TUT4: variants seen among roughly 807,000 people sequenced by gnomAD.
TUT4 encodes terminal uridylyltransferase 4.
Under a neutral mutation model 192.2 loss-of-function variants are expected in TUT4, and 36 were observed. The ratio of observed to expected loss-of-function variants is 0.19; its 90% CI spans 0.14 to 0.25. The LOEUF (loss-of-function observed/expected upper bound fraction) is 0.25, where lower values mean the gene tolerates loss of function less well. TUT4 is among the 10% of genes least tolerant of loss of function. The pLI is 1.00. For missense variants in TUT4, 1,493 were observed against 1,957.2 expected, an observed-to-expected ratio of 0.76 and a Z score of 4.47; for synonymous variants, 618 against 666.0, an observed-to-expected ratio of 0.93 and a Z score of 1.11.
At chr1:52,539,511 G>A (rs1008277112) in intron 1 of TUT4, among the ~76,000 whole-genome samples, 7 of 152,166 alleles carry the variant, frequency 4.6e-5, no homozygotes, top group Non-Finnish European at 8.8e-5. Flanking sequence ...ACAGGTATGG[G>A]GGGGAAAGCA....
chr1:52,486,462 G>C (rs1369952379), intron 9 of TUT4, among the ~76,000 whole-genome samples: 1 of 152,006 alleles, frequency 6.6e-6, no homozygotes, highest in African/African-American at 2.4e-5. Flanking sequence ...AGTTATAAGA[G>C]TAAATTATAT....
chr1:52,516,777 G>A (rs1398997921), intron 2 of TUT4, among the ~76,000 whole-genome samples: 4 of 152,062 alleles, frequency 2.6e-5, no homozygotes, highest in East Asian at 1.9e-4. Flanking sequence ...AGCATATTAC[G>A]CACAGTCCCT....
chr1:52,483,583 G>C (rs1669040937), intron 9 of TUT4, among the ~76,000 whole-genome samples: 1 of 152,132 alleles, frequency 6.6e-6, no homozygotes, highest in African/African-American at 2.4e-5. Context: ...GGCAGAGTGG[G>C]TGGATGACTT....
At chr1:52,552,133 G>A (rs943907143) in intron 1 of TUT4, among the ~76,000 whole-genome samples, 9 of 152,228 alleles carry the variant, frequency 5.9e-5, no homozygotes, top group Non-Finnish European at 1.2e-4. Context: ...AAGAAAATGT[G>A]TAATCAACGT....
At chr1:52,471,034 T>A (rs2934072) in intron 14 of TUT4, among the ~76,000 whole-genome samples, 12 of 146,436 alleles carry the variant, frequency 8.2e-5, no homozygotes, top group Non-Finnish European at 1.5e-4. Context: ...TTTTTTTTTT[T>A]AAGACGGAGT....
intron 12 of TUT4, 62 bp from the exon 13 acceptor site, chr1:52,475,597 A>C: frequency 5.0e-6 from 7 of 1,399,192 alleles, no homozygotes; most frequent in South Asian, 1.4e-5. Flanking sequence ...TTCCAAGCTC[A>C]TACAAGTAGA....
chr1:52,550,193 T>G (rs1261447212), intron 1 of TUT4, among the ~76,000 whole-genome samples: 2 of 152,200 alleles, frequency 1.3e-5, no homozygotes, highest in Admixed American at 6.5e-5. Flanking sequence ...TTATTTAGGA[T>G]TCTAGAATTA....
intron 20 of TUT4, among the ~76,000 whole-genome samples, chr1:52,456,278 C>T (rs1284291120): frequency 6.6e-6 from 1 of 151,768 alleles, no homozygotes; most frequent in African/African-American, 2.4e-5. Flanking sequence ...TGGTGCACAC[C>T]TGTAATCCCA....
intron 2 of TUT4, 35 bp downstream of exon 2, chr1:52,525,528 T>C (rs1557952836): frequency 1.9e-6 from 3 of 1,579,744 alleles, no homozygotes; most frequent in Middle Eastern, 3.4e-4. Context: ...CTAAAGAACA[T>C]TAATATACAA....
rs189166356 is a variant in TUT4, at chr1:52,494,458, G to A, written c.1267-796C>T. 3.0e-3 allele frequency among the ~76,000 whole-genome samples: 450 copies of A among 152,262 alleles called. 2 individuals are homozygous for A. The highest frequency in any genetic ancestry group is 2.6e-3 in the Non-Finnish European group (180 of 68,010). ...TGTAATCCCAGCACATTGGGAGGCCGAGGCAGGCGGATCACCTGAGGTCAG... is the reference window on the plus strand; with the variant it reads ...TGTAATCCCAGCACATTGGGAGGCCAAGGCAGGCGGATCACCTGAGGTCAG... On this transcript the variant is annotated intron_variant, in intron 6 of 29. Transcript: ENST00000257177.
In TUT4 at chr1:52,431,336, C is replaced by T; in HGVS notation, c.4388G>A (p.Gly1463Glu). 1 of 1,614,010 alleles carries T rather than the reference C, an allele frequency of 6.2e-7. No homozygotes were observed. Among genetic ancestry groups the T allele is most frequent in the Non-Finnish European group, 8.5e-7 (1 of 1,180,006 alleles). The change falls in exon 28 of 30, where the codon GGA becomes GAA. Residue 1463 changes from glycine (G) to glutamate (E), a missense_variant. Transcript: ENST00000257177. The part of the protein sequence containing the change: ...SQPKLGPPQQ[G>E]AQPPHQVQMP... ...CTGGACCTGATGGGGAGGTTGGGCTCCCTGCTGAGGTGGGCCAAGCTTAGG... is the reference window on the plus strand; with the variant it reads ...CTGGACCTGATGGGGAGGTTGGGCTTCCTGCTGAGGTGGGCCAAGCTTAGG...
At chr1:52,452,324 T>C (rs1659671270) in intron 20 of TUT4, among the ~76,000 whole-genome samples, 1 of 152,182 alleles carries the variant, frequency 6.6e-6, no homozygotes, top group African/African-American at 2.4e-5. Context: ...CCAAACCCAT[T>C]TCCTGACATA....
At position 52,513,190 on chromosome 1, in the gene TUT4, T is replaced by G. The variant is rs556198291; in HGVS notation, c.882+2701A>C. Among the ~76,000 whole-genome samples the G allele has an allele frequency of 7.2e-4, 104 of 144,688 alleles. 1 individual carries two copies. Among genetic ancestry groups the G allele is most frequent in the African/African-American group, 2.6e-3 (103 of 39,136 alleles). The allele number at this position is 144,688 out of a possible 152,430, so 94.9% of individuals were successfully genotyped here. ...GGCTCACACCTGTAAACTCAGCACG[T>G]TGGGAGGCCGAGACCAGTCCGGGCA... On this transcript the variant is annotated intron_variant, in intron 3 of 29. Coordinates refer to ENST00000257177, the MANE Select transcript of TUT4 (RefSeq NM_001009881.3).
intron 20 of TUT4, among the ~76,000 whole-genome samples, chr1:52,457,417 GT>G (rs1661294793): frequency 1.3e-5 from 2 of 151,726 alleles, no homozygotes; most frequent in Non-Finnish European, 2.9e-5. Context: ...TATATTTTTA[GT>G]AGAGACGGGG....
intron 24 of TUT4, among the ~76,000 whole-genome samples, chr1:52,438,687 A>T (rs1654547378): frequency 6.6e-6 from 1 of 152,218 alleles, no homozygotes; most frequent in Non-Finnish European, 1.5e-5. Flanking sequence ...AGTCTCACAT[A>T]AAAGATGTAG....
intron 11 of TUT4, among the ~76,000 whole-genome samples, chr1:52,478,811 T>C (rs987550043): frequency 2.0e-5 from 3 of 152,306 alleles, no homozygotes; most frequent in African/African-American, 4.8e-5. Context: ...CATTCTCACA[T>C]TCCATTTTAC....
intron 20 of TUT4, among the ~76,000 whole-genome samples, chr1:52,450,603 T>C (rs1659099999): frequency 6.6e-6 from 1 of 152,252 alleles, no homozygotes; most frequent in African/African-American, 2.4e-5. Context: ...ATGTCTACTT[T>C]AGCACCTACT....
intron 2 of TUT4, among the ~76,000 whole-genome samples, chr1:52,522,627 T>C (rs749267220): frequency 3.3e-5 from 5 of 152,324 alleles, no homozygotes; most frequent in Non-Finnish European, 7.3e-5. Context: ...TTGTTGACTT[T>C]AAAAGAAAAT....
intron 1 of TUT4, among the ~76,000 whole-genome samples, chr1:52,539,463 G>A (rs930475655): frequency 6.6e-6 from 1 of 152,266 alleles, no homozygotes; most frequent in East Asian, 1.9e-4. Context: ...TAGACAGTAG[G>A]TAGTAAACTA....
Sources: gnomAD v4.1 joint callset for allele counts (sites outside exome capture counted in the v4.1 genomes callset) on GRCh38, gnomAD v4.1.1 for gene constraint, MANE v1.5 for transcripts, NCBI Gene and HGNC (gene_info 2026-07-23, HGNC 2026-07-21) for gene names.